The following FSTL4 variants were observed in gnomAD, a reference collection of about 807,000 sequenced individuals.
The protein encoded by FSTL4 is follistatin-related protein 4.
A neutral mutation model predicts 78.2 loss-of-function variants in FSTL4; 28 were observed. The ratio of observed to expected loss-of-function variants is 0.36; its 90% CI spans 0.27 to 0.49. FSTL4 has a LOEUF of 0.49. Ranked by LOEUF, FSTL4 falls within the 20% of genes least tolerant of loss-of-function variation. The pLI, the probability that FSTL4 is intolerant of heterozygous loss-of-function variation, is 0.98. For synonymous variants in FSTL4, 422 were observed against 440.5 expected (o/e 0.96, Z 0.53); for missense variants, 922 against 1,084.9 (o/e 0.85, Z 2.11).
intron 6 of FSTL4, among the ~76,000 whole-genome samples, chr5:133,266,970 C>T (rs1222026377): frequency 6.6e-6 from 1 of 152,330 alleles, no homozygotes; most frequent in East Asian, 1.9e-4. Context: ...CCCCCAGTGC[C>T]TTCTAAGAGC....
the FSTL4 span, among the ~76,000 whole-genome samples, chr5:133,756,400 G>A: frequency 6.6e-6 from 1 of 151,826 alleles, no homozygotes; most frequent in Non-Finnish European, 1.5e-5. Flanking sequence ...AGCCACTGGG[G>A]ATTCCAAGCA....
intron 3 of FSTL4, among the ~76,000 whole-genome samples, chr5:133,429,629 C>T (rs1286786393): frequency 6.6e-6 from 1 of 152,160 alleles, no homozygotes; most frequent in African/African-American, 2.4e-5. Flanking sequence ...CTCCAGGCTC[C>T]TAAAGACTTA....
At chr5:133,363,160 T>C (rs1755106829) in intron 4 of FSTL4, among the ~76,000 whole-genome samples, 1 of 152,152 alleles carries the variant, frequency 6.6e-6, no homozygotes, top group Non-Finnish European at 1.5e-5. Flanking sequence ...TTGAATAATC[T>C]GCATACTTCA....
the FSTL4 span, among the ~76,000 whole-genome samples, chr5:133,681,695 T>G: frequency 6.6e-6 from 1 of 152,140 alleles, no homozygotes; most frequent in Admixed American, 6.5e-5. Flanking sequence ...GGACCCCCCA[T>G]GAGAGAAGCA....
chr5:133,637,631 TGGTTTCTCCTTA>T, the FSTL4 span, among the ~76,000 whole-genome samples: 168 of 152,236 alleles, frequency 1.1e-3, no homozygotes, highest in Non-Finnish European at 1.9e-3. Context: ...TCTGCTATGC[TGGTTTCTCCTTA>T]TGTCTCTTCC....
At chr5:133,783,205 A>G in the FSTL4 span, among the ~76,000 whole-genome samples, 1 of 152,136 alleles carries the variant, frequency 6.6e-6, no homozygotes, top group Non-Finnish European at 1.5e-5. Flanking sequence ...TCCCTCTTCC[A>G]AGATACCTAC....
In FSTL4 at chr5:133,440,773, T is replaced by C. The variant is rs1757143824; in HGVS notation, c.161-39787A>G. Among the ~76,000 whole-genome samples the C allele has an allele frequency of 6.6e-6, 1 of 152,108 alleles. No homozygotes were observed. The highest frequency in any genetic ancestry group is 1.5e-5 in the Non-Finnish European group (1 of 68,008). ...TGGAAGACACGTTTCAGGCAGGACA[T>C]GAGAACCACGCCCCCAGCCCTCACC... is the stretch of plus-strand genomic sequence containing the variant. On this transcript the variant is annotated intron_variant, in intron 3 of 15. Coordinates refer to ENST00000265342, the MANE Select transcript of FSTL4 (RefSeq NM_015082.2). This position sits in a 1 kb window ranked among gnomAD's most constrained non-coding sequence, Gnocchi z 4.1.
the FSTL4 span, among the ~76,000 whole-genome samples, chr5:133,680,866 G>A: frequency 2.0e-5 from 3 of 152,242 alleles, no homozygotes; most frequent in East Asian, 5.8e-4. Flanking sequence ...TCTTGTTACA[G>A]GTGAGGAAAT....
rs185066213 is a variant in FSTL4 at position 133,202,051 on chromosome 5, C to T, written c.1717-9G>A. ...CTGGCTTCTGTGATCACCTACAACA[C>T]AGAGTGGGAATCCTAGTGAGGGCCC... On this transcript the variant is annotated splice_polypyrimidine_tract_variant and intron_variant, in intron 14 of 15. Coordinates refer to ENST00000265342, the MANE Select transcript of FSTL4 (RefSeq NM_015082.2). The T allele has an allele frequency of 1.8e-4, 281 of 1,581,844 alleles. No individual in the cohort carries two copies. In the East Asian group the frequency reaches 5.7e-3, roughly 32 times the overall value.
intron 3 of FSTL4, among the ~76,000 whole-genome samples, chr5:133,523,781 TTTA>T (rs1277253202): frequency 6.6e-6 from 1 of 152,232 alleles, no homozygotes; most frequent in Non-Finnish European, 1.5e-5. Context: ...CAATTTATTA[TTTA>T]TTATGTTACC....
chr5:133,352,284 A>ACT (rs1754842921), intron 4 of FSTL4, among the ~76,000 whole-genome samples: 1 of 135,246 alleles, frequency 7.4e-6, no homozygotes. Flanking sequence ...ATATATACAC[A>ACT]CATATATATA....
chr5:133,639,837 C>A, the FSTL4 span, among the ~76,000 whole-genome samples: 2 of 152,174 alleles, frequency 1.3e-5, no homozygotes, highest in Non-Finnish European at 2.9e-5. Context: ...CAAATGTCTT[C>A]ACCCCACCCA....
Position 133,199,879 on chromosome 5 carries a change from C to A in FSTL4, c.1827-82G>T, listed in dbSNP as rs866493334. 4 of 675,586 alleles carry A rather than the reference C, an allele frequency of 5.9e-6. No individual in the cohort carries two copies. In the Middle Eastern group the frequency reaches 1.1e-3, roughly 193 times the overall value. 41.8% of individuals were successfully genotyped at this position (675,586 alleles called of 1,614,324 possible). On this transcript the variant is annotated intron_variant, in intron 15 of 15. Coordinates refer to ENST00000265342, the MANE Select transcript of FSTL4 (RefSeq NM_015082.2). The surrounding 1 kb of genome is among the most constrained non-coding windows in gnomAD (Gnocchi z 4.4). ...TTGTCTTAAACAATTACATCCTCTGCCTTTTCCCTTTATTATAATCCTTCA... is the reference window on the plus strand; with the variant it reads ...TTGTCTTAAACAATTACATCCTCTGACTTTTCCCTTTATTATAATCCTTCA...
the FSTL4 span, among the ~76,000 whole-genome samples, chr5:133,766,757 A>T: frequency 2.6e-5 from 4 of 152,216 alleles, no homozygotes; most frequent in East Asian, 7.7e-4. Context: ...AGGAAATAAA[A>T]ACATAAAAAG....
chr5:133,214,379 G>A (rs1293669244), intron 13 of FSTL4, among the ~76,000 whole-genome samples: 1 of 152,166 alleles, frequency 6.6e-6, no homozygotes, highest in Non-Finnish European at 1.5e-5. Flanking sequence ...ATGTCCCATT[G>A]TATTTGCCAA....
intron 6 of FSTL4, among the ~76,000 whole-genome samples, chr5:133,253,820 G>C (rs893555587): frequency 3.3e-5 from 5 of 152,188 alleles, no homozygotes; most frequent in African/African-American, 4.8e-5. Flanking sequence ...ATCCAGAAGA[G>C]TCCCCAGTCT....
intron 3 of FSTL4, among the ~76,000 whole-genome samples, chr5:133,485,354 T>C (rs567910746): frequency 6.6e-6 from 1 of 152,306 alleles, no homozygotes; most frequent in East Asian, 1.9e-4. Context: ...GAACCCTTTA[T>C]GGGCAGGTAA....
At chr5:133,443,676 G>A (rs1366962426) in intron 3 of FSTL4, among the ~76,000 whole-genome samples, 5 of 152,136 alleles carry the variant, frequency 3.3e-5, no homozygotes, top group Non-Finnish European at 7.4e-5. Flanking sequence ...GGTTCAGCCC[G>A]ATATTCTGAG....
At chr5:133,616,311 A>ATCTG (rs1232175720), upstream of FSTL4, among the ~76,000 whole-genome samples, 2 of 2,110 alleles carry the variant, frequency 9.5e-4, no homozygotes, top group Non-Finnish European at 1.9e-3. Context: ...GAAAATCTAA[A>ATCTG]TCTATCTATC....
Sources: allele counts gnomAD v4.1 joint callset (sites outside exome capture counted in the v4.1 genomes callset), GRCh38; gene constraint gnomAD v4.1.1; non-coding constraint Gnocchi (gnomAD v3.1); transcripts MANE v1.5; gene names NCBI Gene and HGNC (gene_info 2026-07-23, HGNC 2026-07-21).